The following PRTG variants were observed in gnomAD, a reference collection of about 807,000 sequenced individuals.
PRTG encodes immunoglobulin superfamily, DCC subclass, member 5.
PRTG carries 67 observed loss-of-function variants against 122.5 expected under a neutral mutation model. That is an observed-to-expected ratio of 0.55 (90% confidence interval 0.45 to 0.67). The LOEUF is 0.67. Among genes scored for constraint, PRTG ranks in the 30% least tolerant of loss-of-function variants. The probability of loss-of-function intolerance (pLI) is 0.00; values close to 1 mark genes in which losing one functional copy is unlikely to be tolerated. For missense variants in PRTG, 1,435 were observed against 1,415.4 expected (o/e 1.01, Z -0.22); for synonymous variants, 554 against 501.1 (o/e 1.11, Z -1.41).
intron 2 of PRTG, among the ~76,000 whole-genome samples, chr15:55,691,398 T>G (rs2059600844): frequency 6.6e-6 from 1 of 151,862 alleles, no homozygotes; most frequent in South Asian, 2.1e-4. Context: ...GAATATGTGT[T>G]AAGGCTGGGC....
At chr15:55,678,845 C>T (rs1010323334) in intron 7 of PRTG, among the ~76,000 whole-genome samples, 1 of 152,062 alleles carries the variant, frequency 6.6e-6, no homozygotes, top group African/African-American at 2.4e-5. Context: ...GAGAATGTTA[C>T]AATAATTTGT....
chr15:55,641,310 T>C (rs914036870), intron 11 of PRTG, 102 bp from the exon 12 acceptor site: 10 of 704,048 alleles, frequency 1.4e-5, no homozygotes, highest in Middle Eastern at 3.0e-4. Context: ...ACCTGCTGAA[T>C]GCATAAAAGT....
At chr15:55,670,076 A>G (rs1260564095) in intron 11 of PRTG, among the ~76,000 whole-genome samples, 1 of 152,210 alleles carries the variant, frequency 6.6e-6, no homozygotes, top group Non-Finnish European at 1.5e-5. Context: ...TTCAGAGATG[A>G]TTTAAAAAGT....
chr15:55,683,642 T>C (rs1377028984), intron 3 of PRTG, 145 bp downstream of exon 3: 9 of 588,166 alleles, frequency 1.5e-5, no homozygotes, highest in Admixed American at 3.4e-5. Flanking sequence ...ATCTAATTCT[T>C]TGGCTAAGTT....
intron 2 of PRTG, among the ~76,000 whole-genome samples, chr15:55,712,609 T>C (rs1446693731): frequency 6.6e-6 from 1 of 152,220 alleles, no homozygotes; most frequent in East Asian, 1.9e-4. Flanking sequence ...ATCTGATTGA[T>C]AACTCAAAGG....
intron 2 of PRTG, among the ~76,000 whole-genome samples, chr15:55,687,986 C>G (rs1333517054): frequency 2.0e-5 from 3 of 152,214 alleles, no homozygotes; most frequent in Non-Finnish European, 4.4e-5. Context: ...TCTCTCTCCA[C>G]TGCATATTCA....
chr15:55,643,086 C>A (rs1567080570), intron 11 of PRTG, among the ~76,000 whole-genome samples: 1 of 151,214 alleles, frequency 6.6e-6, no homozygotes, highest in Non-Finnish European at 1.5e-5. Flanking sequence ...AATAAACTAA[C>A]TAAATAAAAT....
intron 11 of PRTG, among the ~76,000 whole-genome samples, chr15:55,642,589 C>A: frequency 1.7e-5 from 2 of 114,658 alleles, no homozygotes; most frequent in South Asian, 3.1e-4. Context: ...CAGAGCAAAA[C>A]TCCATCTCAA....
At position 55,682,770 on chromosome 15, in the gene PRTG, T is replaced by C. The variant is rs376754774; in HGVS notation, c.543-273A>G. Among the ~76,000 whole-genome samples the C allele has an allele frequency of 3.9e-4, 59 of 152,028 alleles. No individual in the cohort carries two copies. The South Asian group carries it at 8.5e-3, about 22-fold the overall frequency. On this transcript the variant is annotated intron_variant, in intron 3 of 19. Transcript: ENST00000389286. ...TAGAGATGGGGTTTCACCATGATGA[T>C]CAGGCTGGTCTTGAATTTCTGACCT...
intron 12 of PRTG, 118 bp from the exon 13 acceptor site, chr15:55,639,946 CA>C: frequency 6.8e-7 from 1 of 1,480,770 alleles, no homozygotes; most frequent in Non-Finnish European, 9.0e-7. Context: ...TTTCTTCCAC[CA>C]GAGATTCATA....
chr15:55,649,316 G>C (rs2059341032), intron 11 of PRTG, among the ~76,000 whole-genome samples: 1 of 152,090 alleles, frequency 6.6e-6, no homozygotes, highest in African/African-American at 2.4e-5. Flanking sequence ...ATGAAACTTG[G>C]AGAAGTTATT....
intron 2 of PRTG, among the ~76,000 whole-genome samples, chr15:55,688,194 T>G (rs2059580939): frequency 6.6e-6 from 1 of 152,242 alleles, no homozygotes; most frequent in African/African-American, 2.4e-5. Flanking sequence ...TCTTCCTTTC[T>G]GAGTCCATGC....
intron 2 of PRTG, 143 bp downstream of exon 2, chr15:55,740,239 A>T: frequency 1.4e-6 from 1 of 705,706 alleles, no homozygotes; most frequent in African/African-American, 1.8e-5. Context: ...AGATTTCTCT[A>T]TATGCCTCAG....
At chr15:55,702,460 T>C (rs2029928003) in intron 2 of PRTG, among the ~76,000 whole-genome samples, 1 of 152,194 alleles carries the variant, frequency 6.6e-6, no homozygotes, top group Non-Finnish European at 1.5e-5. Context: ...CAAATAAAAT[T>C]TGTCCTAGAG....
chr15:55,662,281 C>A (rs1480869168), intron 11 of PRTG, among the ~76,000 whole-genome samples: 1 of 152,178 alleles, frequency 6.6e-6, no homozygotes, highest in Non-Finnish European at 1.5e-5. Flanking sequence ...GGTATTTCTT[C>A]TCTCCGGCAG....
chr15:55,673,301 A>G, intron 10 of PRTG, 70 bp downstream of exon 10: 1 of 1,038,782 alleles, frequency 9.6e-7, no homozygotes, highest in Non-Finnish European at 1.4e-6. Flanking sequence ...ATATAAACAT[A>G]ATTTAGAGAA....
chr15:55,702,287 C>A (rs1311334253), intron 2 of PRTG, among the ~76,000 whole-genome samples: 1 of 152,138 alleles, frequency 6.6e-6, no homozygotes, highest in Non-Finnish European at 1.5e-5. Context: ...GAACTAGAGA[C>A]CCCTTTAATA....
intron 15 of PRTG, among the ~76,000 whole-genome samples, chr15:55,630,651 T>G (rs911393383): frequency 5.9e-5 from 9 of 152,332 alleles, no homozygotes; most frequent in African/African-American, 2.2e-4. Context: ...AGATTCCTAT[T>G]TGGACACTGC....
In PRTG at chr15:55,682,476, T is replaced by C. The variant is rs751875608; in HGVS notation, c.564A>G (p.Gly188=). 6.4e-7 allele frequency: 1 copy of C among 1,565,336 alleles called. No individual in the cohort carries two copies. Among genetic ancestry groups the C allele is most frequent in the Non-Finnish European group, 8.7e-7 (1 of 1,152,132 alleles). The stretch of plus-strand genomic sequence containing the variant: ...GGCTGACATCATAGATCTGCAATAC[T>C]CCTGTTGGTAGGGCAGTTATCCTGT... ...TMDRITALPT[G]VLQIYDVSQR... Residue 188 remains glycine, a synonymous_variant, in exon 4 of 20, where the codon GGA becomes GGG. Transcript: ENST00000389286.
Sources: gnomAD v4.1 joint callset for allele counts (sites outside exome capture counted in the v4.1 genomes callset) on GRCh38, gnomAD v4.1.1 for gene constraint, MANE v1.5 for transcripts, NCBI Gene and HGNC (gene_info 2026-07-23, HGNC 2026-07-21) for gene names.